Variants in SUGCT observed in about 807,000 individuals in gnomAD.
SUGCT encodes succinyl-CoA:glutarate CoA-transferase.
In SUGCT, 41 loss-of-function variants were observed where a neutral mutation model predicts 55.0. The observed-to-expected ratio is 0.74, with a 90% CI of 0.58 to 0.97. SUGCT has a LOEUF of 0.97. Ranked by LOEUF, SUGCT falls within the 50% of genes least tolerant of loss-of-function variation. The pLI, the probability that SUGCT is intolerant of heterozygous loss-of-function variation, is 0.00. For missense variants in SUGCT, 568 were observed against 547.8 expected, an observed-to-expected ratio of 1.04 and a Z score of -0.37; for synonymous variants, 187 against 200.4, an observed-to-expected ratio of 0.93 and a Z score of 0.56.
intron 1 of SUGCT, among the ~76,000 whole-genome samples, chr7:40,145,787 A>G (rs1025234527): frequency 6.6e-6 from 1 of 152,220 alleles, no homozygotes; most frequent in Admixed American, 6.5e-5. Flanking sequence ...GCTGAGTACA[A>G]ACAGCTGGCA....
chr7:41,009,783 T>C, the SUGCT span, among the ~76,000 whole-genome samples: 1 of 152,204 alleles, frequency 6.6e-6, no homozygotes, highest in African/African-American at 2.4e-5. Flanking sequence ...GTTTTCATTA[T>C]GTGGTCTGAC....
chr7:40,615,037 C>CAAACCA, intron 12 of SUGCT, among the ~76,000 whole-genome samples: 1 of 125,556 alleles, frequency 8.0e-6, no homozygotes, highest in Non-Finnish European at 1.7e-5. Flanking sequence ...GCCTGGGCAA[C>CAAACCA]AAACCAAAAC....
At chr7:40,561,295 A>G (rs1795822927) in intron 12 of SUGCT, among the ~76,000 whole-genome samples, 1 of 152,158 alleles carries the variant, frequency 6.6e-6, no homozygotes, top group Non-Finnish European at 1.5e-5. Context: ...TTCCTTCTCT[A>G]ATTGGAATGA....
At chr7:40,334,896 T>G (rs1796589885) in intron 9 of SUGCT, among the ~76,000 whole-genome samples, 1 of 152,242 alleles carries the variant, frequency 6.6e-6, no homozygotes, top group Non-Finnish European at 1.5e-5. Flanking sequence ...GTCTGACATT[T>G]AAGTCCTTAA....
the SUGCT span, among the ~76,000 whole-genome samples, chr7:40,902,662 T>G: frequency 6.6e-6 from 1 of 152,124 alleles, no homozygotes; most frequent in African/African-American, 2.4e-5. Context: ...CTCCTTGTAT[T>G]TCTTTTGGAA....
intron 12 of SUGCT, among the ~76,000 whole-genome samples, chr7:40,668,019 A>C (rs540276805): frequency 6.6e-6 from 1 of 152,228 alleles, no homozygotes; most frequent in Non-Finnish European, 1.5e-5. Context: ...AGAACATTAT[A>C]TAATCATAAT....
Position 40,180,988 on chromosome 7 carries a change from G to T in SUGCT, c.142G>T (p.Asp48Tyr), listed in dbSNP as rs577980239. Residue 48 changes from aspartate (D) to tyrosine (Y), a missense_variant, in exon 2 of 14, where the codon GAT becomes TAT. By Grantham distance (160) the Asp-to-Tyr change is radical (BLOSUM62 -3). Coordinates refer to ENST00000335693, the MANE Select transcript of SUGCT (RefSeq NM_001193313.2). ...GCCATTGGAAGGGGTAAAAATTCTG[G>T]ATCTAACAAGGTTTGTATTGGTTTA... Reference protein sequence around the residue: ...IKPLEGVKILDLTRVLAGPFA... With the variant: ...IKPLEGVKILYLTRVLAGPFA... The T allele has an allele frequency of 5.6e-6, 9 of 1,609,238 alleles. No individual in the cohort carries two copies. The highest frequency in any genetic ancestry group is 3.3e-4 in the Middle Eastern group (2 of 6,034).
chr7:40,886,240 G>A, the SUGCT span, among the ~76,000 whole-genome samples: 3 of 152,132 alleles, frequency 2.0e-5, no homozygotes, highest in East Asian at 5.8e-4. Flanking sequence ...TGGGTATACT[G>A]GGGCTATTGA....
chr7:40,395,511 A>G lies in SUGCT; in HGVS notation c.817-53776A>G, dbSNP rs1007878571. Reference sequence around the variant, plus strand: ...TCTCAAAAAAAAAAAAAAAAAAAAAAAAAGAAAAAAAAATTCAATTTTGAG... The same window carrying G: ...TCTCAAAAAAAAAAAAAAAAAAAAAGAAAGAAAAAAAAATTCAATTTTGAG... On this transcript the variant is annotated intron_variant, in intron 9 of 13. Transcript: ENST00000335693. 1.4e-4 allele frequency among the ~76,000 whole-genome samples: 21 copies of G among 151,450 alleles called. No individual in the cohort carries two copies. The South Asian group carries it at 4.2e-3, about 30-fold the overall frequency.
intron 12 of SUGCT, among the ~76,000 whole-genome samples, chr7:40,702,916 G>T (rs944115106): frequency 1.3e-5 from 2 of 152,088 alleles, no homozygotes; most frequent in African/African-American, 2.4e-5. Flanking sequence ...AAGAATATTT[G>T]GGTTCTGTTT....
intron 12 of SUGCT, among the ~76,000 whole-genome samples, chr7:40,545,002 C>T (rs1794915532): frequency 6.6e-6 from 1 of 152,176 alleles, no homozygotes; most frequent in Admixed American, 6.5e-5. Context: ...CCCACACACT[C>T]CAATCACATT....
intron 12 of SUGCT, among the ~76,000 whole-genome samples, chr7:40,676,559 G>A (rs1783995635): frequency 6.8e-6 from 1 of 148,110 alleles, no homozygotes; most frequent in Non-Finnish European, 1.5e-5. Flanking sequence ...CTGGAGTGCA[G>A]TGGCAAAATC....
chr7:40,161,271 A>G (rs1374298854), intron 1 of SUGCT, among the ~76,000 whole-genome samples: 2 of 152,158 alleles, frequency 1.3e-5, no homozygotes, highest in East Asian at 1.9e-4. Context: ...AATCTCTCAC[A>G]TATGTATCGC....
chr7:40,335,085 G>A (rs1796601288), intron 9 of SUGCT, among the ~76,000 whole-genome samples: 1 of 152,148 alleles, frequency 6.6e-6, no homozygotes, highest in Non-Finnish European at 1.5e-5. Context: ...TTGTTTCTGA[G>A]GGCTCTGTTC....
intron 9 of SUGCT, among the ~76,000 whole-genome samples, chr7:40,445,195 C>A (rs1359716371): frequency 6.6e-6 from 1 of 151,824 alleles, no homozygotes; most frequent in Non-Finnish European, 1.5e-5. Context: ...TTAAAAAAAT[C>A]AATGAATTCA....
At chr7:40,996,686 C>A in the SUGCT span, among the ~76,000 whole-genome samples, 1 of 152,110 alleles carries the variant, frequency 6.6e-6, no homozygotes, top group Non-Finnish European at 1.5e-5. Flanking sequence ...CAAGAATGAC[C>A]ATAACAAGCA....
the SUGCT span, among the ~76,000 whole-genome samples, chr7:40,929,988 C>G: frequency 6.6e-6 from 1 of 152,098 alleles, no homozygotes; most frequent in Admixed American, 6.6e-5. Flanking sequence ...GTCATGAAGT[C>G]CTTGCCCATG....
At chr7:40,923,184 G>T in the SUGCT span, among the ~76,000 whole-genome samples, 2 of 152,168 alleles carry the variant, frequency 1.3e-5, no homozygotes, top group African/African-American at 4.8e-5. Flanking sequence ...ACCCTGTGGA[G>T]ATTTTGTATA....
In SUGCT at chr7:40,589,983, C is replaced by T. The variant is rs189958219; in HGVS notation, c.1089+93597C>T. 4.2e-3 allele frequency among the ~76,000 whole-genome samples: 635 copies of T among 152,208 alleles called. 1 individual carries two copies. Among genetic ancestry groups the T allele is most frequent in the Non-Finnish European group, 7.7e-3 (522 of 67,998 alleles). ...TGTGGCAGCCTTGTGTTGAGCAAAT[C>T]TACTGGTGCCAATGTTTGAACATAT... On this transcript the variant is annotated intron_variant, in intron 12 of 13. Transcript: ENST00000335693.
Sources: allele counts gnomAD v4.1 joint callset (sites outside exome capture counted in the v4.1 genomes callset), GRCh38; gene constraint gnomAD v4.1.1; transcripts MANE v1.5; gene names NCBI Gene and HGNC (gene_info 2026-07-23, HGNC 2026-07-21).